The following FMN2 variants were observed in gnomAD, a reference collection of about 807,000 sequenced individuals.
The protein encoded by FMN2 is formin-2.
A neutral mutation model predicts 142.3 loss-of-function variants in FMN2; 51 were observed. The ratio of observed to expected loss-of-function variants is 0.36; its 90% CI spans 0.29 to 0.45. The LOEUF (loss-of-function observed/expected upper bound fraction) is 0.45, where lower values mean the gene tolerates loss of function less well. Among genes scored for constraint, FMN2 ranks in the 20% least tolerant of loss-of-function variants. FMN2 has a pLI of 1.00. For synonymous variants in FMN2, 882 were observed against 869.8 expected, an observed-to-expected ratio of 1.01 and a Z score of -0.25; for missense variants, 1,936 against 2,122.8, an observed-to-expected ratio of 0.91 and a Z score of 1.73.
At chr1:240,158,121 TC>T (rs1664106799) in intron 2 of FMN2, among the ~76,000 whole-genome samples, 2 of 151,934 alleles carry the variant, frequency 1.3e-5, no homozygotes, top group Non-Finnish European at 2.9e-5. Flanking sequence ...CCTACCTCTC[TC>T]ATTTTTTTTT....
intron 14 of FMN2, among the ~76,000 whole-genome samples, chr1:240,378,589 T>G (rs1198221504): frequency 6.6e-6 from 1 of 152,248 alleles, no homozygotes; most frequent in Non-Finnish European, 1.5e-5. Flanking sequence ...GGGACTAAAA[T>G]GATACATTAT....
At chr1:240,172,862 C>T (rs796650889) in intron 2 of FMN2, among the ~76,000 whole-genome samples, 6 of 152,180 alleles carry the variant, frequency 3.9e-5, no homozygotes, top group African/African-American at 1.4e-4. Flanking sequence ...TATTGACCAG[C>T]CATCTCTTTT....
At chr1:240,431,226 C>T (rs1032166048) in intron 15 of FMN2, among the ~76,000 whole-genome samples, 1 of 151,486 alleles carries the variant, frequency 6.6e-6, no homozygotes, top group African/African-American at 2.4e-5. Context: ...TGTCTTTCCC[C>T]AGTGGTCTTT....
chr1:240,148,268 A>G (rs1256762193), intron 2 of FMN2, among the ~76,000 whole-genome samples: 1 of 134,090 alleles, frequency 7.5e-6, no homozygotes, highest in Non-Finnish European at 1.6e-5. Context: ...ACAGAGAGAC[A>G]GAGATAGACA....
At chr1:240,198,594 A>T (rs73112877) in intron 4 of FMN2, among the ~76,000 whole-genome samples, 3,246 of 152,282 alleles carry the variant, frequency 0.021, 128 homozygotes, top group African/African-American at 0.074. Context: ...GTTCTATTTT[A>T]AAAAGCCCTA....
chr1:240,115,891 C>G (rs1662001883), intron 1 of FMN2, among the ~76,000 whole-genome samples: 1 of 152,160 alleles, frequency 6.6e-6, no homozygotes, highest in Admixed American at 6.5e-5. Context: ...ATATGCTAAA[C>G]AAGGGGTGGA....
At chr1:240,334,811 G>C (rs1373010606) in intron 13 of FMN2, among the ~76,000 whole-genome samples, 1 of 152,100 alleles carries the variant, frequency 6.6e-6, no homozygotes, top group East Asian at 1.9e-4. Flanking sequence ...TATTTTGTAA[G>C]TAAAATTCCT....
At chr1:240,180,058 G>A (rs754705040) in intron 3 of FMN2, 51 of 472,812 alleles carry the variant, frequency 1.1e-4, no homozygotes, top group Non-Finnish European at 1.7e-4. Context: ...TTGATACCAG[G>A]AAGTTTGTCA....
chr1:240,367,019 A>G (rs1275948167), intron 14 of FMN2, among the ~76,000 whole-genome samples: 1 of 152,176 alleles, frequency 6.6e-6, no homozygotes, highest in Non-Finnish European at 1.5e-5. Context: ...GTTTTTAAAA[A>G]TGATTAGTTC....
At chr1:240,437,493 A>G (rs139180080) in intron 15 of FMN2, among the ~76,000 whole-genome samples, 3,766 of 151,834 alleles carry the variant, frequency 0.025, 75 homozygotes, top group South Asian at 0.074. Context: ...TAGTAGAGAC[A>G]GGGTTTCACC....
At chr1:240,398,755 C>T (rs1673875567) in intron 15 of FMN2, among the ~76,000 whole-genome samples, 1 of 152,104 alleles carries the variant, frequency 6.6e-6, no homozygotes, top group South Asian at 2.1e-4. Flanking sequence ...AGCTCTATGA[C>T]CTTAGACCAA....
intron 1 of FMN2, among the ~76,000 whole-genome samples, chr1:240,100,337 A>G (rs1418503426): frequency 6.6e-6 from 1 of 152,232 alleles, no homozygotes; most frequent in Non-Finnish European, 1.5e-5. Flanking sequence ...CCTGTTTTGT[A>G]TTCTAAGTAC....
At chr1:240,184,323 G>A (rs1227128043) in intron 3 of FMN2, among the ~76,000 whole-genome samples, 2 of 123,290 alleles carry the variant, frequency 1.6e-5, no homozygotes, top group Non-Finnish European at 3.2e-5. Flanking sequence ...TGCAAGCTCC[G>A]CCTCCCGGGT....
chr1:240,288,316 T>C (rs796219007), intron 7 of FMN2, among the ~76,000 whole-genome samples: 4 of 152,172 alleles, frequency 2.6e-5, no homozygotes, highest in Non-Finnish European at 5.9e-5. Flanking sequence ...TTTAGCTGAT[T>C]TGATAGGTTA....
chr1:240,329,263 G>C (rs1671299430), intron 9 of FMN2, 76 bp from the exon 10 acceptor site: 4 of 1,597,182 alleles, frequency 2.5e-6, no homozygotes, highest in Non-Finnish European at 1.7e-6. Flanking sequence ...GTGCATACTT[G>C]TTGTGAATGA....
At chr1:240,099,478 G>A (rs1661339924) in intron 1 of FMN2, among the ~76,000 whole-genome samples, 1 of 152,010 alleles carries the variant, frequency 6.6e-6, no homozygotes, top group Non-Finnish European at 1.5e-5. Flanking sequence ...TTCCAAAGAA[G>A]GGGTGGGAAG....
At position 240,328,941 on chromosome 1, in the gene FMN2, C is replaced by T. The variant is rs1275611387; in HGVS notation, c.4216-135C>T. The T allele has an allele frequency of 2.5e-5, 19 of 769,882 alleles. No individual in the cohort carries two copies. In the East Asian group the frequency reaches 4.3e-4, roughly 17 times the overall value. 47.7% of individuals were successfully genotyped at this position (769,882 alleles called of 1,614,324 possible). A position where few individuals can be genotyped will look rare whatever the true frequency, so the allele number is the denominator to read the frequency against. On this transcript the variant is annotated intron_variant, in intron 8 of 17. Transcript: ENST00000319653. ...GAATTAAGTCAAGCTTTACTATATA[C>T]AGATGCTAAGAAACATGAAAATATA... is the stretch of plus-strand genomic sequence containing the variant.
intron 13 of FMN2, among the ~76,000 whole-genome samples, chr1:240,344,025 A>G (rs984691446): frequency 1.3e-5 from 2 of 152,200 alleles, no homozygotes; most frequent in African/African-American, 4.8e-5. Context: ...GAAACTCAAC[A>G]AACTTCTATA....
At chr1:240,352,657 C>G (rs1034686177) in intron 13 of FMN2, among the ~76,000 whole-genome samples, 1 of 152,162 alleles carries the variant, frequency 6.6e-6, no homozygotes, top group Non-Finnish European at 1.5e-5. Flanking sequence ...AGAAATAACC[C>G]ACTGAAATGA....
Sources: allele counts gnomAD v4.1 joint callset (sites outside exome capture counted in the v4.1 genomes callset), GRCh38; gene constraint gnomAD v4.1.1; transcripts MANE v1.5; gene names NCBI Gene and HGNC (gene_info 2026-07-23, HGNC 2026-07-21).